NLRP14: variants seen among roughly 807,000 people sequenced by gnomAD.
NLRP14 encodes the protein NACHT, LRR and PYD domains-containing protein 14.
In NLRP14, 105 loss-of-function variants were observed where a neutral mutation model predicts 94.7. The ratio of observed to expected loss-of-function variants is 1.11; its 90% CI spans 0.95 to 1.30. NLRP14 has a LOEUF of 1.30. NLRP14 is among the 50% of genes most tolerant of loss of function. The pLI is 0.00. For missense variants in NLRP14, 1,362 were observed against 1,254.1 expected (o/e 1.09, Z -1.30); for synonymous variants, 508 against 459.9 (o/e 1.10, Z -1.34).
In NLRP14 at chr11:7,071,420, A is replaced by G; in HGVS notation, c.*112A>G. ...GATACTCTATGCCCAGAGATAGTGC[A>G]CTTGGCAGCTGTCAGATACCATTCA... On this transcript the variant is annotated 3_prime_UTR_variant, in exon 12 of 12. Transcript: ENST00000299481. 1.2e-6 allele frequency: 1 copy of G among 831,386 alleles called. No individual in the cohort carries two copies. The highest frequency in any genetic ancestry group is 2.0e-6 in the Non-Finnish European group (1 of 508,734). The allele number at this position is 831,386 out of a possible 1,614,324, so 51.5% of individuals were successfully genotyped here.
chr11:7,083,911 GCTCT>G, the NLRP14 span, among the ~76,000 whole-genome samples: 2 of 152,148 alleles, frequency 1.3e-5, no homozygotes, highest in South Asian at 4.1e-4. Flanking sequence ...GTTTTACATT[GCTCT>G]CTGTCTGGCC....
At chr11:7,056,280 TAGTA>T (rs1201678717) in intron 6 of NLRP14, among the ~76,000 whole-genome samples, 17 of 151,770 alleles carry the variant, frequency 1.1e-4, no homozygotes, top group Admixed American at 5.9e-4. Flanking sequence ...ACAGACTTAA[TAGTA>T]GGTAAGGGTT....
intron 1 of NLRP14, among the ~76,000 whole-genome samples, chr11:7,026,497 C>G (rs1022692922): frequency 6.6e-6 from 1 of 151,930 alleles, no homozygotes; most frequent in Non-Finnish European, 1.5e-5. Context: ...ATTAAAAAGT[C>G]AGGAAAAAAC....
chr11:7,053,854 T>G (rs1852479225), intron 6 of NLRP14, among the ~76,000 whole-genome samples: 1 of 152,154 alleles, frequency 6.6e-6, no homozygotes, highest in Non-Finnish European at 1.5e-5. Context: ...ATTTTTTACG[T>G]TAGTCACCCT....
intron 1 of NLRP14, among the ~76,000 whole-genome samples, chr11:7,021,789 A>G (rs1489277855): frequency 4.0e-5 from 6 of 151,238 alleles, no homozygotes; most frequent in African/African-American, 7.3e-5. Context: ...CGGCTATTTA[A>G]ATACATTAAA....
At chr11:7,066,848 C>T (rs1381948505) in intron 10 of NLRP14, among the ~76,000 whole-genome samples, 7 of 151,982 alleles carry the variant, frequency 4.6e-5, no homozygotes, top group African/African-American at 1.7e-4. Flanking sequence ...GTCTTTAATC[C>T]ATCTTGAATT....
chr11:7,060,867 AAG>A (rs1411928980), intron 9 of NLRP14, among the ~76,000 whole-genome samples: 2 of 152,082 alleles, frequency 1.3e-5, no homozygotes, highest in Non-Finnish European at 1.5e-5. Flanking sequence ...AGAATAAAAA[AAG>A]AAATACATTG....
intron 1 of NLRP14, among the ~76,000 whole-genome samples, chr11:7,035,501 C>G (rs545813454): frequency 4.3e-4 from 65 of 152,274 alleles, no homozygotes; most frequent in African/African-American, 1.5e-3. Context: ...GCCATGAATG[C>G]TGCTCAACAT....
rs766913243 is a variant in NLRP14 at position 7,043,469 on chromosome 11, T to G, written c.1443T>G (p.Leu481=). 2.5e-6 allele frequency: 4 copies of G among 1,614,178 alleles called. No individual in the cohort carries two copies. The Admixed American group carries it at 5.0e-5, about 20-fold the overall frequency. ...AAAACTGCTATGTGTTCACCCACCT[T>G]CATGTTCAGGAGTTTTTTGCAGCTA... is the stretch of plus-strand genomic sequence containing the variant. The part of the protein sequence containing the change: ...EYENCYVFTH[L]HVQEFFAAMF... The change falls in exon 4 of 12, where the codon CTT becomes CTG. Residue 481 remains leucine (L), a synonymous_variant. Coordinates refer to ENST00000299481, the MANE Select transcript of NLRP14 (RefSeq NM_176822.4).
chr11:7,065,016 G>A (rs1352610146), intron 10 of NLRP14, among the ~76,000 whole-genome samples: 5 of 151,792 alleles, frequency 3.3e-5, no homozygotes, highest in East Asian at 3.9e-4. Flanking sequence ...GCCCTGATAC[G>A]CACTACAGCA....
chr11:7,059,930 A>G lies in NLRP14; in HGVS notation c.2670A>G (p.Glu890=). The stretch of plus-strand genomic sequence containing the variant: ...GCCATTTCACTTCACTTAGCAGTGA[A>G]TATCTGTCAACTTCTCTTCTACACA... The part of the protein sequence containing the change: ...RRCHFTSLSS[E]YLSTSLLHNK... The change falls in exon 9 of 12, where the codon GAA becomes GAG. Residue 890 remains glutamate (E), a synonymous_variant. Transcript: ENST00000299481. The G allele has an allele frequency of 1.2e-6, 2 of 1,612,690 alleles. No homozygotes were observed. Among genetic ancestry groups the G allele is most frequent in the South Asian group, 1.1e-5 (1 of 91,058 alleles).
rs368883062 is a variant in NLRP14, at chr11:7,038,768, T to G, written c.182T>G (p.Leu61Trp). 10 of 1,613,428 alleles carry G rather than the reference T, an allele frequency of 6.2e-6. No homozygotes were observed. Among genetic ancestry groups the G allele is most frequent in the South Asian group, 4.4e-5 (4 of 90,912 alleles). The change falls in exon 2 of 12, where the codon TTG becomes TGG. Residue 61 changes from leucine (L) to tryptophan (W), a missense_variant. Leu to Trp is a moderately conservative substitution (Grantham distance 61, BLOSUM62 -2). Coordinates refer to ENST00000299481, the MANE Select transcript of NLRP14 (RefSeq NM_176822.4). ...GCCAGGCGGGAGGACCTGGCCAATT[T>G]GATGAAGAAATATTATCCAGGAGAG... ...KKARREDLAN[L>W]MKKYYPGEKA... is the part of the protein sequence containing the mutation.
the NLRP14 span, among the ~76,000 whole-genome samples, chr11:7,081,625 C>T: frequency 6.6e-6 from 1 of 152,054 alleles, no homozygotes; most frequent in Non-Finnish European, 1.5e-5. Context: ...GCTCTATACA[C>T]TTGTGATTAC....
chr11:7,089,689 A>G, the NLRP14 span: 1 of 1,509,654 alleles, frequency 6.6e-7, no homozygotes, highest in South Asian at 1.2e-5. Context: ...CGAGACGGCT[A>G]CTCAGGCCCA....
At chr11:7,032,310 G>A (rs771112541) in intron 1 of NLRP14, among the ~76,000 whole-genome samples, 2 of 152,050 alleles carry the variant, frequency 1.3e-5, no homozygotes, top group East Asian at 3.9e-4. Flanking sequence ...GTATGACGAG[G>A]TCATTTTCAT....
chr11:7,047,752 CTCTT>C (rs1190525100), intron 5 of NLRP14, among the ~76,000 whole-genome samples: 39 of 141,710 alleles, frequency 2.8e-4, no homozygotes, highest in Admixed American at 3.0e-4. Context: ...TATCTTCTTT[CTCTT>C]TCTTTTCTTT....
chr11:7,089,045 G>A, the NLRP14 span: 8 of 1,520,334 alleles, frequency 5.3e-6, no homozygotes, highest in South Asian at 2.4e-5. Flanking sequence ...CGCCCTCGAC[G>A]AGCGAGCTCG....
intron 5 of NLRP14, among the ~76,000 whole-genome samples, chr11:7,048,416 C>G (rs1852391520): frequency 6.6e-6 from 1 of 152,034 alleles, no homozygotes; most frequent in Admixed American, 6.5e-5. Flanking sequence ...TTGTGCCTGT[C>G]AATATGTACA....
chr11:7,068,968 G>A (rs1020327469), intron 10 of NLRP14, among the ~76,000 whole-genome samples: 10 of 152,092 alleles, frequency 6.6e-5, no homozygotes, highest in African/African-American at 2.4e-4. Flanking sequence ...GCAGTATTCT[G>A]TATCAGTTAA....
Sources: gnomAD v4.1 joint callset for allele counts (sites outside exome capture counted in the v4.1 genomes callset) on GRCh38, gnomAD v4.1.1 for gene constraint, MANE v1.5 for transcripts, NCBI Gene and HGNC (gene_info 2026-07-23, HGNC 2026-07-21) for gene names.